Variants in SLC15A4 observed in about 807,000 individuals in gnomAD.
SLC15A4 encodes hPHT1.
In SLC15A4, 26 loss-of-function variants were observed where a neutral mutation model predicts 46.1. The observed-to-expected ratio is 0.56, with a 90% CI of 0.41 to 0.78. The LOEUF (loss-of-function observed/expected upper bound fraction) is 0.78. Among genes scored for constraint, SLC15A4 ranks in the 30% least tolerant of loss-of-function variants. The pLI is 0.00. For missense variants in SLC15A4, 751 were observed against 755.7 expected (o/e 0.99, Z 0.07); for synonymous variants, 370 against 333.4 (o/e 1.11, Z -1.20).
intron 7 of SLC15A4, among the ~76,000 whole-genome samples, chr12:128,795,500 C>T (rs911699523): frequency 6.6e-6 from 1 of 152,184 alleles, no homozygotes; most frequent in African/African-American, 2.4e-5. Flanking sequence ...TCAGTTTCCT[C>T]ATCTGTAAAA....
chr12:128,823,887 C>CG lies in SLC15A4; in HGVS notation c.56_57insC (p.Ala20GlyfsTer165). 1 of 943,052 alleles carries CG rather than the reference C, an allele frequency of 1.1e-6. No homozygotes were observed. The highest frequency in any genetic ancestry group is 1.3e-6 in the Non-Finnish European group (1 of 794,004). 58.4% of individuals were successfully genotyped at this position (943,052 alleles called of 1,614,324 possible). On this transcript the variant is annotated frameshift_variant, in exon 1 of 8. Coordinates refer to ENST00000266771, the MANE Select transcript of SLC15A4 (RefSeq NM_145648.4). LOFTEE classifies it high-confidence loss of function. Reference sequence around the variant, plus strand: ...CAGCCGCCGCCGCGGCCGCCGCCGCCCGCCGCGCGCCCAGCAGCGGCGCCC... The same window carrying CG: ...CAGCCGCCGCCGCGGCCGCCGCCGCCGCGCCGCGCGCCCAGCAGCGGCGCCC...
chr12:128,806,202 T>C (rs1488404402), intron 5 of SLC15A4, among the ~76,000 whole-genome samples: 1 of 133,334 alleles, frequency 7.5e-6, no homozygotes, highest in South Asian at 2.5e-4. Context: ...ATTACAAAAA[T>C]GGGTACAACA....
chr12:128,801,012 AG>A lies in SLC15A4; in HGVS notation c.1259-4del. ...CAGCCTTTTACTCTCCAAAATTCCT[AG>A]AATTCAAAAGTAGGTTAGTGTAATA... On this transcript the variant is annotated splice_region_variant and splice_polypyrimidine_tract_variant and intron_variant, in intron 5 of 7. Coordinates refer to ENST00000266771, the MANE Select transcript of SLC15A4 (RefSeq NM_145648.4). The A allele has an allele frequency of 2.5e-6, 4 of 1,593,786 alleles. No homozygotes were observed. The highest frequency in any genetic ancestry group is 3.4e-6 in the Non-Finnish European group (4 of 1,171,334).
At chr12:128,823,317 C>A in intron 1 of SLC15A4, 81 bp downstream of exon 1, 1 of 1,263,754 alleles carries the variant, frequency 7.9e-7, no homozygotes, top group Non-Finnish European at 1.0e-6. Context: ...CGGTCAGAGG[C>A]AGGGACTGGG....
chr12:128,796,948 C>T (rs1019325082), intron 7 of SLC15A4, among the ~76,000 whole-genome samples: 1 of 152,204 alleles, frequency 6.6e-6, no homozygotes, highest in African/African-American at 2.4e-5. Context: ...GGCAGACACA[C>T]CACGCCTCGT....
At chr12:128,807,438 C>T (rs1955602834) in intron 5 of SLC15A4, among the ~76,000 whole-genome samples, 1 of 152,238 alleles carries the variant, frequency 6.6e-6, no homozygotes, top group Non-Finnish European at 1.5e-5. Flanking sequence ...AGGACGTCTC[C>T]TTTCCCACAG....
rs1240606876 is a variant in SLC15A4 at position 128,823,426 on chromosome 12, G to A, written c.518C>T (p.Ala173Val). The A allele has an allele frequency of 3.4e-6, 5 of 1,459,158 alleles. No homozygotes were observed. Among genetic ancestry groups the A allele is most frequent in the South Asian group, 2.7e-5 (2 of 74,958 alleles). 90.4% of individuals were successfully genotyped at this position (1,459,158 alleles called of 1,614,324 possible). Residue 173 changes from alanine (A) to valine (V), a missense_variant, in exon 1 of 8, where the codon GCC becomes GTC. Transcript: ENST00000266771. ...LVGLGVATVK[A>V]NITPFGADQV... is the part of the protein sequence containing the mutation. ...GTCGGCGCCGAAGGGCGTGATGTTG[G>A]CCTTGACGGTGGCCACGCCCAGGCC... is the stretch of plus-strand genomic sequence containing the variant.
At chr12:128,795,863 C>T (rs1955436998) in intron 7 of SLC15A4, among the ~76,000 whole-genome samples, 1 of 152,236 alleles carries the variant, frequency 6.6e-6, no homozygotes, top group African/African-American at 2.4e-5. Context: ...ACATCACCTG[C>T]CACCAGCTGG....
At chr12:128,804,543 A>T (rs546813934) in intron 5 of SLC15A4, among the ~76,000 whole-genome samples, 1 of 152,288 alleles carries the variant, frequency 6.6e-6, no homozygotes, top group Admixed American at 6.5e-5. Context: ...CAACTTGGCC[A>T]ATATGGTGAA....
intron 1 of SLC15A4, among the ~76,000 whole-genome samples, chr12:128,816,098 G>A (rs1273696284): frequency 1.3e-5 from 2 of 152,140 alleles, no homozygotes; most frequent in East Asian, 1.9e-4. Context: ...TTTCCAAAAG[G>A]CTCAAAAATC....
At position 128,809,379 on chromosome 12, in the gene SLC15A4, A is replaced by G. The variant is rs749266554; in HGVS notation, c.1089+17T>C. The G allele has an allele frequency of 2.6e-6, 4 of 1,518,562 alleles. No homozygotes were observed. Among genetic ancestry groups the G allele is most frequent in the Non-Finnish European group, 3.6e-6 (4 of 1,103,956 alleles). The allele number at this position is 1,518,562 out of a possible 1,614,324, so 94.1% of individuals were successfully genotyped here. On this transcript the variant is annotated intron_variant, in intron 4 of 7. Transcript: ENST00000266771. Reference sequence around the variant, plus strand: ...AGTCCAAAATAACAATGTTCAGATCATTACAATTGTTCTTACCGTGTGAGG... The same window carrying G: ...AGTCCAAAATAACAATGTTCAGATCGTTACAATTGTTCTTACCGTGTGAGG...
intron 5 of SLC15A4, among the ~76,000 whole-genome samples, chr12:128,802,550 G>A (rs980896504): frequency 2.0e-5 from 3 of 152,192 alleles, no homozygotes; most frequent in African/African-American, 7.2e-5. Context: ...TCACAGGAGA[G>A]GAGGAGAGCC....
In SLC15A4 at chr12:128,823,520, T is replaced by G. The variant is rs1320152250; in HGVS notation, c.424A>C (p.Thr142Pro). The change falls in exon 1 of 8, where the codon ACG becomes CCG. Residue 142 changes from threonine (T) to proline (P), a missense_variant. Physicochemically the swap from Thr to Pro is conservative, Grantham distance 38 (BLOSUM62 -1). Coordinates refer to ENST00000266771, the MANE Select transcript of SLC15A4 (RefSeq NM_145648.4). The stretch of plus-strand genomic sequence containing the variant: ...GCGGCGGCGTCGGGACCAGGCGCCG[T>G]GCAGTTGAGCAGGCGCGCGGAACCG... ...LCGSARLLNC[T>P]APGPDAAARC... 2 of 1,479,242 alleles carry G rather than the reference T, an allele frequency of 1.4e-6. No homozygotes were observed. The allele number at this position is 1,479,242 out of a possible 1,614,324, so 91.6% of individuals were successfully genotyped here.
intron 1 of SLC15A4, among the ~76,000 whole-genome samples, chr12:128,816,217 T>C (rs999829021): frequency 2.1e-4 from 32 of 152,208 alleles, no homozygotes; most frequent in African/African-American, 6.5e-4. Flanking sequence ...AACAGGTCAT[T>C]TGGGGGCAGA....
chr12:128,817,046 C>T (rs1373387004), intron 1 of SLC15A4, among the ~76,000 whole-genome samples: 1 of 152,138 alleles, frequency 6.6e-6, no homozygotes, highest in South Asian at 2.1e-4. Flanking sequence ...TTAAGCATGG[C>T]CACTATGGTG....
At position 128,814,938 on chromosome 12, in the gene SLC15A4, C is replaced by A. The variant is rs1379671934; in HGVS notation, c.679G>T (p.Ala227Ser). The stretch of plus-strand genomic sequence containing the variant: ...AGGCCGACGCAGACAGTGGGGATCG[C>A]ATAACCAGTGACAAAGCTGACGTTC... ...QQNVSFVTGY[A>S]IPTVCVGLAF... The change falls in exon 2 of 8, where the codon GCG (alanine) becomes TCG (serine). Residue 227 changes from alanine to serine, a missense_variant. Physicochemically the swap from Ala to Ser is moderately conservative, Grantham distance 99. Transcript: ENST00000266771. 1 of 1,614,040 alleles carries A rather than the reference C, an allele frequency of 6.2e-7. No homozygotes were observed. Among genetic ancestry groups the A allele is most frequent in the African/African-American group, 1.3e-5 (1 of 74,910 alleles).
rs181117544 is a variant in SLC15A4 at position 128,817,077 on chromosome 12, A to G, written c.547-2007T>C. ...TGGTGGCAGGTAATTAATTATATAT[A>G]GTAACACCACTTCAAACGAAAAATC... On this transcript the variant is annotated intron_variant, in intron 1 of 7. Coordinates refer to ENST00000266771, the MANE Select transcript of SLC15A4 (RefSeq NM_145648.4). Among the ~76,000 whole-genome samples, 377 of 152,384 alleles carry G rather than the reference A, an allele frequency of 2.5e-3. 17 individuals are homozygous for G. The South Asian group carries it at 0.073, about 30-fold the overall frequency.
chr12:128,802,890 A>G (rs528186356), intron 5 of SLC15A4, among the ~76,000 whole-genome samples: 1 of 152,348 alleles, frequency 6.6e-6, no homozygotes, highest in Non-Finnish European at 1.5e-5. Flanking sequence ...AGGCGCACAC[A>G]CAGCCAACAC....
chr12:128,810,308 C>G (rs187375628), intron 2 of SLC15A4, 197 bp from the exon 3 acceptor site: 1 of 545,744 alleles, frequency 1.8e-6, no homozygotes. Context: ...ACTGAAACAG[C>G]TGACAAAGGG....
Sources: gnomAD v4.1 joint callset for allele counts (sites outside exome capture counted in the v4.1 genomes callset) on GRCh38, gnomAD v4.1.1 for gene constraint, MANE v1.5 for transcripts, NCBI Gene and HGNC (gene_info 2026-07-23, HGNC 2026-07-21) for gene names.